GSDME: variants seen among roughly 807,000 people sequenced by gnomAD.
GSDME encodes the protein gasdermin E, also known as gasdermin-E.
A neutral mutation model predicts 47.5 loss-of-function variants in GSDME; 44 were observed. That is an observed-to-expected ratio of 0.93 (90% CI 0.73 to 1.19). The LOEUF (loss-of-function observed/expected upper bound fraction) is 1.19, where lower values mean the gene tolerates loss of function less well. Ranked by LOEUF, GSDME falls within the 50% of genes most tolerant of loss-of-function variation. The probability of loss-of-function intolerance (pLI) is 0.00; values close to 1 mark genes in which losing one functional copy is unlikely to be tolerated. For synonymous variants in GSDME, 258 were observed against 252.8 expected (o/e 1.02, Z -0.20); for missense variants, 663 against 604.2 (o/e 1.10, Z -1.02).
At chr7:24,710,112 T>C (rs994806685) in intron 6 of GSDME, 112 bp downstream of exon 6, 1 of 1,205,276 alleles carries the variant, frequency 8.3e-7, no homozygotes, top group Non-Finnish European at 1.2e-6. Context: ...TCTTCTCATA[T>C]GTTTTCTGTG....
In GSDME at chr7:24,728,473, A is replaced by G. The variant is rs998633860; in HGVS notation, c.405-9255T>C. 6.6e-6 allele frequency among the ~76,000 whole-genome samples: 1 copy of G among 152,242 alleles called. No individual in the cohort carries two copies. The highest frequency in any genetic ancestry group is 1.9e-4 in the East Asian group (1 of 5,202). ...ATCCTTATTTCAGAAAGCAACAAGA[A>G]GCACGAAGAACTCAGAAGCCAAGGG... On this transcript the variant is annotated intron_variant, in intron 3 of 9. Transcript: ENST00000645220. The surrounding 1 kb of genome is among the most constrained non-coding windows in gnomAD (Gnocchi z 7.2).
chr7:24,703,246 GTTGTT>G (rs1411584493), intron 8 of GSDME: 1 of 333,602 alleles, frequency 3.0e-6, no homozygotes, highest in Non-Finnish European at 5.9e-6. Flanking sequence ...ATTTACCATA[GTTGTT>G]TTGTTTTTGC....
intron 3 of GSDME, among the ~76,000 whole-genome samples, chr7:24,731,529 G>A (rs912904346): frequency 5.3e-5 from 8 of 152,218 alleles, no homozygotes; most frequent in Non-Finnish European, 1.0e-4. Context: ...CCTCCTTCCT[G>A]CAGCTCTGTG....
intron 3 of GSDME, among the ~76,000 whole-genome samples, chr7:24,738,749 TC>T (rs1790390421): frequency 6.6e-6 from 1 of 152,184 alleles, no homozygotes; most frequent in South Asian, 2.1e-4. Context: ...AGAGCTATAG[TC>T]ATTAAAACAG....
At chr7:24,782,167 T>C in the GSDME span, among the ~76,000 whole-genome samples, 1 of 152,028 alleles carries the variant, frequency 6.6e-6, no homozygotes, top group African/African-American at 2.4e-5. Context: ...GCTGCACCCA[T>C]TAACTCGTCA....
the GSDME span, among the ~76,000 whole-genome samples, chr7:24,774,347 C>T: frequency 3.8e-3 from 520 of 136,526 alleles, 1 homozygote; most frequent in Non-Finnish European, 5.9e-3. Context: ...CTTCCTCCCT[C>T]CCTTCCTTCC....
the GSDME span, among the ~76,000 whole-genome samples, chr7:24,779,876 A>G: frequency 6.6e-6 from 1 of 152,222 alleles, no homozygotes; most frequent in Non-Finnish European, 1.5e-5. This position sits in a 1 kb window ranked among gnomAD's most constrained non-coding sequence, Gnocchi z 6.0. Context: ...GATTGTGGAA[A>G]ACATTTCCAA....
chr7:24,773,209 A>G, the GSDME span, among the ~76,000 whole-genome samples: 2 of 152,226 alleles, frequency 1.3e-5, no homozygotes, highest in African/African-American at 4.8e-5. The surrounding 1 kb of genome is among the most constrained non-coding windows in gnomAD (Gnocchi z 5.4). Context: ...CAATTCCATT[A>G]GGCACTTTAA....
rs1790588340 is a variant in GSDME, at chr7:24,744,615, G to A, written c.351C>T (p.Thr117=). The change falls in exon 3 of 10, where the codon ACC becomes ACT. Residue 117 remains threonine, a synonymous_variant. Transcript: ENST00000645220. This position sits in a 1 kb window ranked among gnomAD's most constrained non-coding sequence, Gnocchi z 4.5. ...GCAAATCCACCTCCTGCTTCCTCAG[G>A]GTTCCAAATGAAGACTGGCTCTCTA... The part of the protein sequence containing the change: ...SRVESQSSFG[T]LRKQEVDLQQ... 1 of 1,614,150 alleles carries A rather than the reference G, an allele frequency of 6.2e-7. No individual in the cohort carries two copies.
At chr7:24,701,453 G>A (rs1788864756) in intron 9 of GSDME, among the ~76,000 whole-genome samples, 1 of 152,162 alleles carries the variant, frequency 6.6e-6, no homozygotes, top group African/African-American at 2.4e-5. Context: ...AGCTAAGTGT[G>A]AGTTTGTCAC....
chr7:24,792,837 T>G, the GSDME span, among the ~76,000 whole-genome samples: 5 of 152,160 alleles, frequency 3.3e-5, no homozygotes, highest in Admixed American at 6.5e-5. Flanking sequence ...AACGTAATTT[T>G]CAGGCTGGTG....
intron 2 of GSDME, among the ~76,000 whole-genome samples, chr7:24,749,350 A>C (rs1207690667): frequency 6.6e-6 from 1 of 152,022 alleles, no homozygotes; most frequent in East Asian, 1.9e-4. Flanking sequence ...AAAAATACAA[A>C]AATTAGCTGG....
At position 24,714,678 on chromosome 7, in the gene GSDME, G is replaced by A. The variant is rs1483025894; in HGVS notation, c.697+2576C>T. 6.6e-6 allele frequency among the ~76,000 whole-genome samples: 1 copy of A among 152,174 alleles called. No individual in the cohort carries two copies. Among genetic ancestry groups the A allele is most frequent in the Non-Finnish European group, 1.5e-5 (1 of 68,030 alleles). On this transcript the variant is annotated intron_variant, in intron 5 of 9. Transcript: ENST00000645220. The surrounding 1 kb of genome is among the most constrained non-coding windows in gnomAD (Gnocchi z 5.0). ...AAGCCTTGAAATTGAAATGCAAACA[G>A]GAGAGCCCTGCCAGAACAAGGCTGT...
In GSDME at chr7:24,735,818, C is replaced by A. The variant is rs1223832011; in HGVS notation, c.404+8744G>T. On this transcript the variant is annotated intron_variant, in intron 3 of 9. Transcript: ENST00000645220. This position sits in a 1 kb window ranked among gnomAD's most constrained non-coding sequence, Gnocchi z 4.4. ...AAATAAATAAATAAAACTACAAAAA[C>A]TTTTCAAGACATAGACTGTACAATA... Among the ~76,000 whole-genome samples, 1 of 151,214 alleles carries A rather than the reference C, an allele frequency of 6.6e-6. No homozygotes were observed. Among genetic ancestry groups the A allele is most frequent in the East Asian group, 1.9e-4 (1 of 5,190 alleles).
At chr7:24,731,191 T>G (rs1400944489) in intron 3 of GSDME, among the ~76,000 whole-genome samples, 1 of 152,090 alleles carries the variant, frequency 6.6e-6, no homozygotes, top group Admixed American at 6.5e-5. Context: ...CCCATGAAGG[T>G]CTTACTGACA....
chr7:24,707,711 C>T, intron 7 of GSDME: 2 of 397,822 alleles, frequency 5.0e-6, no homozygotes. Context: ...GAGGGGAAGC[C>T]CACATGGAGA....
chr7:24,764,975 AAGGTCCC>A, the GSDME span, among the ~76,000 whole-genome samples: 1 of 152,216 alleles, frequency 6.6e-6, no homozygotes, highest in Non-Finnish European at 1.5e-5. This position sits in a 1 kb window ranked among gnomAD's most constrained non-coding sequence, Gnocchi z 4.4. Flanking sequence ...AAAGCTTTAA[AAGGTCCC>A]AGCAATTCTG....
Position 24,710,298 on chromosome 7 carries a change from A to T in GSDME, c.788T>A (p.Phe263Tyr). The change falls in exon 6 of 10, where the codon TTT (phenylalanine) becomes TAT (tyrosine). Residue 263 changes from phenylalanine (F) to tyrosine (Y), a missense_variant. Phe to Tyr is a conservative substitution (Grantham distance 22). Transcript: ENST00000645220. ...VYLDPLVFRE[F>Y]AFIDMPDAAH... The stretch of plus-strand genomic sequence containing the variant: ...AGCATCTGGCATGTCTATGAATGCA[A>T]ACTCTCGAAAGACCAGGGGGTCCAG... 1 of 1,614,256 alleles carries T rather than the reference A, an allele frequency of 6.2e-7. No individual in the cohort carries two copies. Among genetic ancestry groups the T allele is most frequent in the Admixed American group, 1.7e-5 (1 of 60,036 alleles).
In GSDME at chr7:24,735,466, T is replaced by C. The variant is rs1790273718; in HGVS notation, c.404+9096A>G. 6.6e-6 allele frequency among the ~76,000 whole-genome samples: 1 copy of C among 152,124 alleles called. No individual in the cohort carries two copies. The highest frequency in any genetic ancestry group is 2.4e-5 in the African/African-American group (1 of 41,432). On this transcript the variant is annotated intron_variant, in intron 3 of 9. Coordinates refer to ENST00000645220, the MANE Select transcript of GSDME (RefSeq NM_001127453.2). This position sits in a 1 kb window ranked among gnomAD's most constrained non-coding sequence, Gnocchi z 4.4. ...AAAAAGATGAACCAATTAAAAATAGTAACTACAGGGCCGGGCACAGTGGCT... is the reference window on the plus strand; with the variant it reads ...AAAAAGATGAACCAATTAAAAATAGCAACTACAGGGCCGGGCACAGTGGCT...
Sources: gnomAD v4.1 joint callset for allele counts (sites outside exome capture counted in the v4.1 genomes callset) on GRCh38, gnomAD v4.1.1 for gene constraint, Gnocchi (gnomAD v3.1) non-coding constraint, MANE v1.5 for transcripts, NCBI Gene and HGNC (gene_info 2026-07-23, HGNC 2026-07-21) for gene names.